The following ANKS1B variants were observed in gnomAD, a reference collection of about 807,000 sequenced individuals.
The protein encoded by ANKS1B is ankyrin repeat and sterile alpha motif domain-containing protein 1B.
ANKS1B carries 36 observed loss-of-function variants against 148.3 expected under a neutral mutation model. That is an observed-to-expected ratio of 0.24 (90% CI 0.19 to 0.32). The LOEUF (loss-of-function observed/expected upper bound fraction) is 0.32, where lower values mean the gene tolerates loss of function less well. ANKS1B is among the 10% of genes least tolerant of loss of function. The pLI is 1.00. For synonymous variants in ANKS1B, 542 were observed against 560.8 expected, an observed-to-expected ratio of 0.97 and a Z score of 0.47; for missense variants, 1,157 against 1,542.6, an observed-to-expected ratio of 0.75 and a Z score of 4.19.
chr12:99,826,268 T>C (rs1036462782), intron 1 of ANKS1B, among the ~76,000 whole-genome samples: 11 of 152,100 alleles, frequency 7.2e-5, no homozygotes, highest in Non-Finnish European at 1.3e-4. Context: ...TACAAGAACA[T>C]AGTGTAATGG....
intron 1 of ANKS1B, among the ~76,000 whole-genome samples, chr12:99,887,154 C>T (rs1431348534): frequency 1.3e-5 from 2 of 152,122 alleles, no homozygotes; most frequent in African/African-American, 2.4e-5. Flanking sequence ...CAATGAAGAT[C>T]GCAGCACTAA....
intron 12 of ANKS1B, among the ~76,000 whole-genome samples, chr12:99,266,050 G>C (rs2076411595): frequency 6.6e-6 from 1 of 152,118 alleles, no homozygotes. Flanking sequence ...AGGTAATACA[G>C]AAAGGAGTGA....
intron 22 of ANKS1B, chr12:98,794,766 A>T (rs2153568259): frequency 8.4e-7 from 1 of 1,192,774 alleles, no homozygotes; most frequent in East Asian, 2.3e-5. Flanking sequence ...GATGCAATGA[A>T]GAGAATTGAA....
At chr12:99,087,964 T>C (rs1251038341) in intron 15 of ANKS1B, among the ~76,000 whole-genome samples, 1 of 152,170 alleles carries the variant, frequency 6.6e-6, no homozygotes, top group Non-Finnish European at 1.5e-5. Context: ...TGAAGAATTA[T>C]AGGGAAGTTA....
chr12:99,330,578 T>C (rs746151200), intron 12 of ANKS1B, among the ~76,000 whole-genome samples: 3 of 152,008 alleles, frequency 2.0e-5, no homozygotes, highest in Non-Finnish European at 2.9e-5. Context: ...TTTAGAAAGA[T>C]TGGAGGTGGG....
intron 8 of ANKS1B, among the ~76,000 whole-genome samples, chr12:99,736,010 AATGAT>A (rs938898500): frequency 1.1e-4 from 17 of 152,142 alleles, no homozygotes; most frequent in African/African-American, 3.9e-4. Context: ...GAAGGACAAA[AATGAT>A]ATGATCATTG....
At chr12:99,530,707 T>C (rs2096980078) in intron 9 of ANKS1B, among the ~76,000 whole-genome samples, 1 of 152,176 alleles carries the variant, frequency 6.6e-6, no homozygotes, top group African/African-American at 2.4e-5. Flanking sequence ...TTAGTATCTG[T>C]ATGGATTTTC....
Position 99,549,963 on chromosome 12 carries a change from C to T in ANKS1B, c.1273-45322G>A, listed in dbSNP as rs554365486. 2.1e-4 allele frequency among the ~76,000 whole-genome samples: 32 copies of T among 152,326 alleles called. No homozygotes were observed. The South Asian group carries it at 6.2e-3, about 30-fold the overall frequency. On this transcript the variant is annotated intron_variant, in intron 9 of 26. Transcript: ENST00000683438. Reference sequence around the variant, plus strand: ...ACAACAAGCCCAGACCCCTCCCGCTCGGACCTATAATTACTCCAGCATGCA... The same window carrying T: ...ACAACAAGCCCAGACCCCTCCCGCTTGGACCTATAATTACTCCAGCATGCA...
At chr12:99,319,093 C>G (rs1321718311) in intron 12 of ANKS1B, among the ~76,000 whole-genome samples, 2 of 152,084 alleles carry the variant, frequency 1.3e-5, no homozygotes, top group East Asian at 1.9e-4. Context: ...TTACTTCCAA[C>G]TATGTGGTCA....
chr12:99,725,327 GA>G (rs1351570652), intron 8 of ANKS1B, among the ~76,000 whole-genome samples: 3 of 152,026 alleles, frequency 2.0e-5, no homozygotes, highest in African/African-American at 7.2e-5. Context: ...CCAAGCAAAT[GA>G]AAAGCAAAAA....
At chr12:98,857,370 G>A (rs772985644) in intron 17 of ANKS1B, among the ~76,000 whole-genome samples, 1 of 152,166 alleles carries the variant, frequency 6.6e-6, no homozygotes, top group East Asian at 1.9e-4. Flanking sequence ...TAATGACCTC[G>A]GCAGCCAGGA....
At chr12:99,137,090 C>T (rs10860397) in intron 15 of ANKS1B, among the ~76,000 whole-genome samples, 3 of 151,986 alleles carry the variant, frequency 2.0e-5, no homozygotes, top group South Asian at 2.1e-4. Context: ...CTTGGTTGTG[C>T]GGTAACAGGA....
At chr12:99,526,263 A>G (rs910637415) in intron 9 of ANKS1B, among the ~76,000 whole-genome samples, 2 of 152,190 alleles carry the variant, frequency 1.3e-5, no homozygotes, top group East Asian at 3.8e-4. Context: ...GTCATTTGTT[A>G]CAGGAGATCG....
chr12:99,788,372 A>T (rs927314148), intron 4 of ANKS1B, among the ~76,000 whole-genome samples: 2 of 152,144 alleles, frequency 1.3e-5, no homozygotes, highest in Non-Finnish European at 2.9e-5. Context: ...CTTGGGCCAA[A>T]AGGGAACCCA....
At chr12:99,832,546 A>G (rs2084182968) in intron 1 of ANKS1B, among the ~76,000 whole-genome samples, 4 of 151,970 alleles carry the variant, frequency 2.6e-5, no homozygotes, top group South Asian at 2.1e-4. Flanking sequence ...CAACATGGCA[A>G]AAAAAACACT....
At chr12:99,775,362 C>T (rs952241520) in intron 7 of ANKS1B, among the ~76,000 whole-genome samples, 186 bp downstream of exon 7, 6 of 152,134 alleles carry the variant, frequency 3.9e-5, no homozygotes, top group Non-Finnish European at 5.9e-5. Context: ...AACTTCATTA[C>T]AGCAGGGATA....
intron 1 of ANKS1B, among the ~76,000 whole-genome samples, chr12:99,929,242 G>C (rs1422648985): frequency 6.6e-6 from 1 of 152,186 alleles, no homozygotes; most frequent in Non-Finnish European, 1.5e-5. Context: ...ACTCAGTTAA[G>C]AGAATGACAG....
rs1023872224 is a variant in ANKS1B at position 99,445,371 on chromosome 12, G to C, written c.1439-1562C>G. ...ACTGGAGGCAGGTAGGGATGAATAGGTTAAGCACTGAGGATTTTCAGGGCA... is the reference window on the plus strand; with the variant it reads ...ACTGGAGGCAGGTAGGGATGAATAGCTTAAGCACTGAGGATTTTCAGGGCA... On this transcript the variant is annotated intron_variant, in intron 10 of 26. Transcript: ENST00000683438. Among the ~76,000 whole-genome samples the C allele has an allele frequency of 4.6e-5, 7 of 152,070 alleles. No individual in the cohort carries two copies. The South Asian group carries it at 6.2e-4, about 14-fold the overall frequency.
At chr12:98,950,166 T>C (rs1410448841) in intron 17 of ANKS1B, among the ~76,000 whole-genome samples, 1 of 152,218 alleles carries the variant, frequency 6.6e-6, no homozygotes, top group East Asian at 1.9e-4. Context: ...TTCAACCACA[T>C]AATGACGCAT....
Sources: gnomAD v4.1 joint callset for allele counts (sites outside exome capture counted in the v4.1 genomes callset) on GRCh38, gnomAD v4.1.1 for gene constraint, MANE v1.5 for transcripts, NCBI Gene and HGNC (gene_info 2026-07-23, HGNC 2026-07-21) for gene names.